LPCAT1: variants seen among roughly 807,000 people sequenced by gnomAD.
LPCAT1 encodes the protein 1-acylglycerol-3-phosphate O-acyltransferase.
In LPCAT1, 23 loss-of-function variants were observed where a neutral mutation model predicts 60.9. The ratio of observed to expected loss-of-function variants is 0.38; its 90% CI spans 0.27 to 0.53. LPCAT1 has a LOEUF of 0.53. Among genes scored for constraint, LPCAT1 ranks in the 20% least tolerant of loss-of-function variants. The pLI is 0.82. For missense variants in LPCAT1, 622 were observed against 723.6 expected, an observed-to-expected ratio of 0.86 and a Z score of 1.61; for synonymous variants, 340 against 301.1, an observed-to-expected ratio of 1.13 and a Z score of -1.34.
intron 1 of LPCAT1, among the ~76,000 whole-genome samples, chr5:1,518,155 T>G (rs1207991983): frequency 1.3e-5 from 2 of 152,274 alleles, no homozygotes; most frequent in East Asian, 1.9e-4. Context: ...GGGTGGGGGA[T>G]GCACCGTGGC....
At chr5:1,474,824 G>A in intron 9 of LPCAT1, 139 bp from the exon 10 acceptor site, 1 of 1,120,922 alleles carries the variant, frequency 8.9e-7, no homozygotes, top group Non-Finnish European at 1.2e-6. Context: ...CAGTTGGTGG[G>A]GCAGTCACAC....
intron 13 of LPCAT1, among the ~76,000 whole-genome samples, chr5:1,464,920 GCA>G (rs1214568684): frequency 4.1e-5 from 6 of 147,912 alleles, no homozygotes; most frequent in South Asian, 2.2e-4. Flanking sequence ...ACACATGCGT[GCA>G]CACACAAAAC....
rs1182795061 is a variant in LPCAT1, at chr5:1,496,217, T to C, written c.279-1303A>G. Among the ~76,000 whole-genome samples the C allele has an allele frequency of 6.6e-6, 1 of 151,740 alleles. No individual in the cohort carries two copies. The highest frequency in any genetic ancestry group is 1.5e-5 in the Non-Finnish European group (1 of 67,924). On this transcript the variant is annotated intron_variant, in intron 2 of 13. Transcript: ENST00000283415. This position sits in a 1 kb window ranked among gnomAD's most constrained non-coding sequence, Gnocchi z 4.7. ...CTCTACTAAAAATACAAAAATTAGC[T>C]GGGCATGGTGGCAGGCGTCTGTAAT...
At chr5:1,519,227 G>A (rs762566609) in intron 1 of LPCAT1, among the ~76,000 whole-genome samples, 2 of 152,232 alleles carry the variant, frequency 1.3e-5, no homozygotes, top group Non-Finnish European at 2.9e-5. Flanking sequence ...AAAACTATGT[G>A]CGTGAGCTTC....
chr5:1,488,522 A>T (rs144201024), intron 4 of LPCAT1, 71 bp from the exon 5 acceptor site: 1 of 1,001,272 alleles, frequency 1.0e-6, no homozygotes, highest in East Asian at 2.4e-5. Flanking sequence ...TACAGAAGCC[A>T]ATCTTCACAA....
rs1734959702 is a variant in LPCAT1 at position 1,477,351 on chromosome 5, C to T, written c.899+53G>A. ...CCTATTTTAAATATACAGAGAGCAG[C>T]ACTCTGGGAGACACCCCTGACTCGG... On this transcript the variant is annotated intron_variant, in intron 9 of 13. Transcript: ENST00000283415. This position sits in a 1 kb window ranked among gnomAD's most constrained non-coding sequence, Gnocchi z 6.0. 1 of 1,423,416 alleles carries T rather than the reference C, an allele frequency of 7.0e-7. No individual in the cohort carries two copies. Among genetic ancestry groups the T allele is most frequent in the Non-Finnish European group, 9.9e-7 (1 of 1,012,134 alleles). The allele number at this position is 1,423,416 out of a possible 1,614,324, so 88.2% of individuals were successfully genotyped here.
chr5:1,505,101 G>A (rs921364124), intron 1 of LPCAT1, among the ~76,000 whole-genome samples: 16 of 151,270 alleles, frequency 1.1e-4, no homozygotes, highest in African/African-American at 3.9e-4. Context: ...CCACCACAGG[G>A]TGTGGAATAA....
rs948126928 is a variant in LPCAT1, at chr5:1,523,792, G to A, written c.53C>T (p.Ala18Val). 2 of 1,117,278 alleles carry A rather than the reference G, an allele frequency of 1.8e-6. No homozygotes were observed. The highest frequency in any genetic ancestry group is 1.7e-5 in the African/African-American group (1 of 59,336). 69.2% of individuals were successfully genotyped at this position (1,117,278 alleles called of 1,614,324 possible). A position where few individuals can be genotyped will look rare whatever the true frequency, so the allele number is the denominator to read the frequency against. Residue 18 changes from alanine (A) to valine (V), a missense_variant, in exon 1 of 14, where the codon GCC becomes GTC. Ala to Val is a moderately conservative substitution (Grantham distance 64). This residue lies in a region of LPCAT1 where 125 missense variants were observed against 114.5 expected (regional missense o/e 1.09). Coordinates refer to ENST00000283415, the MANE Select transcript of LPCAT1 (RefSeq NM_024830.5). The surrounding 1 kb of genome is among the most constrained non-coding windows in gnomAD (Gnocchi z 7.1). ...GGGCGCCAGCAGCCGAGCGTCGCTG[G>A]CCCCTGCGCTGGAGGCAGGGGCGGC... ...PRAAPASSAG[A>V]SDARLLAPPG...
intron 1 of LPCAT1, among the ~76,000 whole-genome samples, chr5:1,513,226 G>A (rs1055148457): frequency 2.0e-5 from 3 of 152,148 alleles, no homozygotes; most frequent in Admixed American, 6.5e-5. Flanking sequence ...CTCCTCACCC[G>A]CAAAGCTCTG....
At position 1,483,940 on chromosome 5, in the gene LPCAT1, A is replaced by T. The variant is rs567703111; in HGVS notation, c.668-454T>A. On this transcript the variant is annotated intron_variant, in intron 5 of 13. Coordinates refer to ENST00000283415, the MANE Select transcript of LPCAT1 (RefSeq NM_024830.5). The surrounding 1 kb of genome is among the most constrained non-coding windows in gnomAD (Gnocchi z 9.2). ...GACACTTTCTGCTGTAACATCGCGC[A>T]CCAGCTGGAAGGCGTTGGTGGGAAG... is the stretch of plus-strand genomic sequence containing the variant. Among the ~76,000 whole-genome samples, 10 of 152,310 alleles carry T rather than the reference A, an allele frequency of 6.6e-5. No individual in the cohort carries two copies. In the South Asian group the frequency reaches 1.7e-3, roughly 25 times the overall value.
rs1736758144 is a variant in LPCAT1 at position 1,523,949 on chromosome 5, G to T, written c.-105C>A. The T allele has an allele frequency of 7.4e-6, 6 of 811,234 alleles. No homozygotes were observed. The highest frequency in any genetic ancestry group is 1.1e-4 in the South Asian group (2 of 18,520). 50.3% of individuals were successfully genotyped at this position (811,234 alleles called of 1,614,324 possible). On this transcript the variant is annotated 5_prime_UTR_variant, in exon 1 of 14. Coordinates refer to ENST00000283415, the MANE Select transcript of LPCAT1 (RefSeq NM_024830.5). This position sits in a 1 kb window ranked among gnomAD's most constrained non-coding sequence, Gnocchi z 7.1. ...GGGGCGCGGGCCGAGGATGCGCGGC[G>T]GCTGGAGCGGGCCGGGCGCGCAGGC...
chr5:1,514,814 C>T (rs758802652), intron 1 of LPCAT1, among the ~76,000 whole-genome samples: 2 of 152,140 alleles, frequency 1.3e-5, no homozygotes, highest in Non-Finnish European at 2.9e-5. Flanking sequence ...CTTCCACCTC[C>T]AGCCAAAACA....
chr5:1,499,550 A>C (rs1298999814), intron 2 of LPCAT1, among the ~76,000 whole-genome samples: 2 of 152,234 alleles, frequency 1.3e-5, no homozygotes, highest in African/African-American at 4.8e-5. Context: ...TTTCAAAAAC[A>C]AACCAAGATA....
At position 1,472,196 on chromosome 5, in the gene LPCAT1, C is replaced by A. The variant is rs78091080; in HGVS notation, c.1180-1272G>T. 2.9e-4 allele frequency among the ~76,000 whole-genome samples: 40 copies of A among 136,424 alleles called. No individual in the cohort carries two copies. In the East Asian group the frequency reaches 8.8e-3, roughly 30 times the overall value. 89.5% of individuals were successfully genotyped at this position (136,424 alleles called of 152,430 possible). A position where few individuals can be genotyped will look rare whatever the true frequency, so the allele number is the denominator to read the frequency against. ...GAACTCTGGTCAGAGCAGGAGGAGGCGAGGTGAGGAGCACCCAGGGGCGGA... is the reference window on the plus strand; with the variant it reads ...GAACTCTGGTCAGAGCAGGAGGAGGAGAGGTGAGGAGCACCCAGGGGCGGA... On this transcript the variant is annotated intron_variant, in intron 11 of 13. Transcript: ENST00000283415.
In LPCAT1 at chr5:1,483,673, G is replaced by A. The variant is rs1183518280; in HGVS notation, c.668-187C>T. Among the ~76,000 whole-genome samples, 4 of 152,236 alleles carry A rather than the reference G, an allele frequency of 2.6e-5. No homozygotes were observed. Among genetic ancestry groups the A allele is most frequent in the Non-Finnish European group, 4.4e-5 (3 of 68,054 alleles). On this transcript the variant is annotated intron_variant, in intron 5 of 13. Coordinates refer to ENST00000283415, the MANE Select transcript of LPCAT1 (RefSeq NM_024830.5). This position sits in a 1 kb window ranked among gnomAD's most constrained non-coding sequence, Gnocchi z 9.2. Reference sequence around the variant, plus strand: ...CCGTAAACACCCAGCGCCACAGCACGGATGGGCAGGAACATCGGCCAGGGG... The same window carrying A: ...CCGTAAACACCCAGCGCCACAGCACAGATGGGCAGGAACATCGGCCAGGGG...
intron 1 of LPCAT1, among the ~76,000 whole-genome samples, chr5:1,519,503 T>A (rs115290450): frequency 0.011 from 1,685 of 152,314 alleles, 34 homozygotes; most frequent in African/African-American, 0.038. Flanking sequence ...TTCGGAAAAT[T>A]AGACAGGATT....
rs1266384998 is a variant in LPCAT1, at chr5:1,483,418, C to T, written c.726+10G>A. On this transcript the variant is annotated intron_variant, in intron 6 of 13. Coordinates refer to ENST00000283415, the MANE Select transcript of LPCAT1 (RefSeq NM_024830.5). This position sits in a 1 kb window ranked among gnomAD's most constrained non-coding sequence, Gnocchi z 9.2. ...CCCCTGGAAGCTGACCCCAAAAAAA[C>T]ACAACTCACCAGTTTATTTGGATAT... The T allele has an allele frequency of 3.1e-6, 5 of 1,613,726 alleles. No homozygotes were observed. In the South Asian group the frequency reaches 4.4e-5, roughly 14 times the overall value.
At chr5:1,499,538 C>T (rs1168113185) in intron 2 of LPCAT1, among the ~76,000 whole-genome samples, 6 of 152,170 alleles carry the variant, frequency 3.9e-5, no homozygotes, top group Non-Finnish European at 5.9e-5. Context: ...ATGGTTAAAA[C>T]GTTTCAAAAA....
intron 3 of LPCAT1, 22 bp downstream of exon 3, chr5:1,494,678 C>A (rs1482617530): frequency 1.2e-6 from 2 of 1,609,002 alleles, no homozygotes; most frequent in African/African-American, 2.7e-5. Context: ...TCCCTCACTC[C>A]CAGCAGGGGT....
Sources: allele counts gnomAD v4.1 joint callset (sites outside exome capture counted in the v4.1 genomes callset), GRCh38; gene constraint gnomAD v4.1.1; regional missense constraint gnomAD v4.1.1; non-coding constraint Gnocchi (gnomAD v3.1); transcripts MANE v1.5; gene names NCBI Gene and HGNC (gene_info 2026-07-23, HGNC 2026-07-21).